The following CLIC4 variants were observed in gnomAD, a reference collection of about 807,000 sequenced individuals.
The protein encoded by CLIC4 is chloride intracellular channel protein 4.
In CLIC4, 13 loss-of-function variants were observed where a neutral mutation model predicts 24.6. The observed-to-expected ratio is 0.53, with a 90% CI of 0.34 to 0.84. The LOEUF (loss-of-function observed/expected upper bound fraction) is 0.84. Among genes scored for constraint, CLIC4 ranks in the 40% least tolerant of loss-of-function variants. The probability of loss-of-function intolerance (pLI) is 0.01; values close to 1 mark genes in which losing one functional copy is unlikely to be tolerated. For synonymous variants in CLIC4, 104 were observed against 111.3 expected (o/e 0.93, Z 0.41); for missense variants, 227 against 301.7 (o/e 0.75, Z 1.83).
chr1:24,752,867 C>T (rs952136223), intron 1 of CLIC4, among the ~76,000 whole-genome samples: 34 of 152,206 alleles, frequency 2.2e-4, no homozygotes, highest in African/African-American at 7.7e-4. Context: ...GGACTACAGG[C>T]GCGTGCCACC....
chr1:24,824,244 G>T (rs1449158799), intron 3 of CLIC4, among the ~76,000 whole-genome samples: 10 of 152,082 alleles, frequency 6.6e-5, no homozygotes, highest in Non-Finnish European at 2.9e-5. Context: ...TAGACCTGGG[G>T]ACAGGAGATT....
At chr1:24,763,263 G>T (rs1638950243) in intron 1 of CLIC4, among the ~76,000 whole-genome samples, 1 of 152,060 alleles carries the variant, frequency 6.6e-6, no homozygotes, top group Non-Finnish European at 1.5e-5. Flanking sequence ...GAATTGGCTG[G>T]GCATGCTGGC....
At chr1:24,791,804 A>G (rs1639342529) in intron 1 of CLIC4, among the ~76,000 whole-genome samples, 1 of 150,208 alleles carries the variant, frequency 6.7e-6, no homozygotes, top group Non-Finnish European at 1.5e-5. Flanking sequence ...TGAACCTCGG[A>G]GGTGGAGGTT....
intron 2 of CLIC4, among the ~76,000 whole-genome samples, chr1:24,802,772 C>T (rs1046019036): frequency 2.7e-5 from 4 of 150,460 alleles, no homozygotes; most frequent in Admixed American, 6.6e-5. Context: ...TGCAGTGGCA[C>T]GATCACAGCT....
At chr1:24,773,412 A>T (rs933101854) in intron 1 of CLIC4, among the ~76,000 whole-genome samples, 5 of 152,158 alleles carry the variant, frequency 3.3e-5, no homozygotes, top group Non-Finnish European at 5.9e-5. Context: ...TATAATGTGT[A>T]TACCCTTAAG....
intron 2 of CLIC4, among the ~76,000 whole-genome samples, chr1:24,804,867 G>A (rs542653973): frequency 2.0e-4 from 30 of 151,822 alleles, no homozygotes; most frequent in African/African-American, 6.8e-4. Flanking sequence ...TTGAGAGGCC[G>A]GGGCAGGTGA....
intron 1 of CLIC4, among the ~76,000 whole-genome samples, chr1:24,749,241 A>AG (rs1638745515): frequency 6.6e-6 from 1 of 151,792 alleles, no homozygotes; most frequent in South Asian, 2.1e-4. Flanking sequence ...AAAAAAAAAA[A>AG]GAAAGTAGAG....
At chr1:24,758,656 C>A (rs1392239773) in intron 1 of CLIC4, among the ~76,000 whole-genome samples, 3 of 152,004 alleles carry the variant, frequency 2.0e-5, no homozygotes, top group Non-Finnish European at 4.4e-5. Flanking sequence ...AGGGTTTCGC[C>A]GTTGTTCGCC....
intron 4 of CLIC4, 75 bp downstream of exon 4, chr1:24,827,191 T>C (rs1452127063): frequency 2.0e-5 from 18 of 898,534 alleles, no homozygotes; most frequent in Non-Finnish European, 3.2e-5. Flanking sequence ...ATGACAGTGA[T>C]TATAAATGAG....
At chr1:24,801,352 C>G (rs776160836) in intron 2 of CLIC4, among the ~76,000 whole-genome samples, 7 of 152,122 alleles carry the variant, frequency 4.6e-5, no homozygotes, top group Non-Finnish European at 7.3e-5. Flanking sequence ...GCAGACATGT[C>G]TTTCATGGCC....
chr1:24,831,307 C>T (rs956943969), intron 4 of CLIC4, among the ~76,000 whole-genome samples: 2 of 152,188 alleles, frequency 1.3e-5, no homozygotes, highest in Admixed American at 1.3e-4. Flanking sequence ...AAGCAATCCA[C>T]CCAGCTTGGC....
At chr1:24,808,317 T>C (rs2124145731) in intron 2 of CLIC4, among the ~76,000 whole-genome samples, 1 of 152,290 alleles carries the variant, frequency 6.6e-6, no homozygotes, top group Non-Finnish European at 1.5e-5. Context: ...CCACAGATGC[T>C]CAAGTTTCTT....
rs869153638 is a variant in CLIC4, at chr1:24,748,499, G to GTTTT, written c.72+2894_72+2897dup. On this transcript the variant is annotated intron_variant, in intron 1 of 5. Transcript: ENST00000374379. ...TGCACTGATACAGATCAGGTTTTTT[G>GTTTT]TTTTTTTTTTTTTTTTTTTTTTTAA... 1.8e-3 allele frequency among the ~76,000 whole-genome samples: 146 copies of GTTTT among 80,612 alleles called. 21 individuals carry two copies. The highest frequency in any genetic ancestry group is 3.8e-3 in the African/African-American group (78 of 20,620). 52.9% of individuals were successfully genotyped at this position (80,612 alleles called of 152,430 possible).
chr1:24,817,814 A>G (rs533691583), intron 3 of CLIC4, among the ~76,000 whole-genome samples: 2 of 152,278 alleles, frequency 1.3e-5, no homozygotes, highest in South Asian at 4.1e-4. Flanking sequence ...CTTCACCTGA[A>G]CACTGAGAGG....
chr1:24,778,185 G>A (rs918637308), intron 1 of CLIC4, among the ~76,000 whole-genome samples: 1 of 152,160 alleles, frequency 6.6e-6, no homozygotes, highest in Non-Finnish European at 1.5e-5. Flanking sequence ...TATCATAGTG[G>A]TTGGTAGATA....
chr1:24,749,531 A>T (rs1638748622), intron 1 of CLIC4, among the ~76,000 whole-genome samples: 1 of 152,184 alleles, frequency 6.6e-6, no homozygotes, highest in African/African-American at 2.4e-5. Context: ...CCTTGTGAGT[A>T]GTTTTTGGAG....
chr1:24,760,010 G>C (rs1157859898), intron 1 of CLIC4, among the ~76,000 whole-genome samples: 1 of 151,950 alleles, frequency 6.6e-6, no homozygotes, highest in East Asian at 1.9e-4. Flanking sequence ...TCAATAATTA[G>C]TTGCATGTTA....
intron 1 of CLIC4, among the ~76,000 whole-genome samples, chr1:24,760,630 A>G (rs888285244): frequency 4.6e-5 from 7 of 151,770 alleles, no homozygotes; most frequent in East Asian, 1.9e-4. Flanking sequence ...CCTGCCCCCA[A>G]TTTCTGCTTG....
chr1:24,781,002 G>A (rs759290403), intron 1 of CLIC4, among the ~76,000 whole-genome samples: 9 of 149,548 alleles, frequency 6.0e-5, no homozygotes, highest in South Asian at 2.1e-4. Context: ...CAGGAAAATC[G>A]CTTGAACCTG....
Sources: allele counts gnomAD v4.1 joint callset (sites outside exome capture counted in the v4.1 genomes callset), GRCh38; gene constraint gnomAD v4.1.1; transcripts MANE v1.5; gene names NCBI Gene and HGNC (gene_info 2026-07-23, HGNC 2026-07-21).